Variants in ZNF382 observed in about 807,000 individuals in gnomAD.
ZNF382 encodes the protein KRAB/zinc finger suppressor protein 1.
ZNF382 carries 20 observed loss-of-function variants against 38.8 expected under a neutral mutation model. That is an observed-to-expected ratio of 0.51 (90% CI 0.36 to 0.75). ZNF382 has a LOEUF of 0.75. Among genes scored for constraint, ZNF382 ranks in the 30% least tolerant of loss-of-function variants. The probability of loss-of-function intolerance (pLI) is 0.00; values close to 1 mark genes in which losing one functional copy is unlikely to be tolerated. For synonymous variants in ZNF382, 202 were observed against 223.1 expected (o/e 0.91, Z 0.84); for missense variants, 546 against 654.1 (o/e 0.83, Z 1.80).
intron 4 of ZNF382, among the ~76,000 whole-genome samples, chr19:36,616,632 A>G (rs1191685753): frequency 6.6e-6 from 1 of 152,208 alleles, no homozygotes; most frequent in Non-Finnish European, 1.5e-5. Flanking sequence ...TTTTTAGCCA[A>G]TATTTGTAGA....
intron 4 of ZNF382, among the ~76,000 whole-genome samples, chr19:36,620,916 G>A (rs1341226259): frequency 6.6e-6 from 1 of 151,884 alleles, no homozygotes; most frequent in South Asian, 2.1e-4. Context: ...GTGCCACCAC[G>A]CCTGGCTAAT....
chr19:36,626,180 G>C lies in ZNF382; in HGVS notation c.283G>C (p.Asp95His), dbSNP rs1349410155. The C allele has an allele frequency of 3.2e-6, 5 of 1,574,678 alleles. No homozygotes were observed. The African/African-American group carries it at 6.9e-5, about 22-fold the overall frequency. Residue 95 changes from aspartate to histidine, a missense_variant, in exon 5 of 5, where the codon GAC (aspartate) becomes CAC (histidine). Asp to His is a moderately conservative substitution (Grantham distance 81, BLOSUM62 -1). Coordinates refer to ENST00000292928, the MANE Select transcript of ZNF382 (RefSeq NM_032825.5). ...DVLVKFKEYQ[D>H]RHSRPLIFIN... ...CTTAGTGAAGTTCAAAGAATACCAAGACAGGCATTCTAGACCCCTCATATT... is the reference window on the plus strand; with the variant it reads ...CTTAGTGAAGTTCAAAGAATACCAACACAGGCATTCTAGACCCCTCATATT...
At position 36,607,914 on chromosome 19, in the gene ZNF382, C is replaced by T. The variant is rs543586682; in HGVS notation, c.-14+292C>T. The T allele has an allele frequency of 3.7e-4, 136 of 371,890 alleles. 1 individual carries two copies. Among genetic ancestry groups the T allele is most frequent in the Non-Finnish European group, 1.3e-4 (27 of 207,712 alleles). The allele number at this position is 371,890 out of a possible 1,614,324, so 23.0% of individuals were successfully genotyped here. A position where few individuals can be genotyped will look rare whatever the true frequency, so the allele number is the denominator to read the frequency against. ...CAACCAAATCAACTTAAGCCTTCCC[C>T]AAGTGTACCTTCTGGTTGTACATAT... is the stretch of plus-strand genomic sequence containing the variant. On this transcript the variant is annotated intron_variant, in intron 2 of 4. Coordinates refer to ENST00000292928, the MANE Select transcript of ZNF382 (RefSeq NM_032825.5).
At chr19:36,619,888 G>A (rs1420904352) in intron 4 of ZNF382, among the ~76,000 whole-genome samples, 1 of 151,806 alleles carries the variant, frequency 6.6e-6, no homozygotes, top group African/African-American at 2.4e-5. Flanking sequence ...CCACCACCAT[G>A]CCCAGCTAAT....
In ZNF382 at chr19:36,627,356, A is replaced by G; in HGVS notation, c.1459A>G (p.Thr487Ala). 1.2e-6 allele frequency: 2 copies of G among 1,614,194 alleles called. No individual in the cohort carries two copies. Among genetic ancestry groups the G allele is most frequent in the Non-Finnish European group, 1.7e-6 (2 of 1,180,026 alleles). Residue 487 changes from threonine (T) to alanine (A), a missense_variant, in exon 5 of 5, where the codon ACA (threonine) becomes GCA (alanine). Thr to Ala is a moderately conservative substitution (Grantham distance 58). Coordinates refer to ENST00000292928, the MANE Select transcript of ZNF382 (RefSeq NM_032825.5). ...AILTVHHRIH[T>A]GEKSNGCPQC... ...CCTCACTGTTCATCACAGAATACATACAGGAGAAAAATCCAATGGGTGTCC... is the reference window on the plus strand; with the variant it reads ...CCTCACTGTTCATCACAGAATACATGCAGGAGAAAAATCCAATGGGTGTCC...
chr19:36,617,783 A>T (rs181413189), intron 4 of ZNF382, among the ~76,000 whole-genome samples: 1 of 152,312 alleles, frequency 6.6e-6, no homozygotes, highest in East Asian at 1.9e-4. Flanking sequence ...CATGGTGATC[A>T]GATATCACCT....
rs1225314059 is a variant in ZNF382, at chr19:36,627,194, G to C, written c.1297G>C (p.Glu433Gln). Reference protein sequence around the residue: ...LTVHQRTHTGEKPYICNECGK... With the variant: ...LTVHQRTHTGQKPYICNECGK... ...TGTTCATCAGAGAACTCACACAGGA[G>C]AGAAACCCTATATTTGCAATGAATG... Residue 433 changes from glutamate to glutamine, a missense_variant, in exon 5 of 5, where the codon GAG becomes CAG. Physicochemically the swap from Glu to Gln is conservative, Grantham distance 29 (BLOSUM62 2). Coordinates refer to ENST00000292928, the MANE Select transcript of ZNF382 (RefSeq NM_032825.5). The C allele has an allele frequency of 1.9e-6, 3 of 1,614,132 alleles. No homozygotes were observed. The South Asian group carries it at 3.3e-5, about 18-fold the overall frequency.
At chr19:36,613,085 C>T (rs191337696) in intron 4 of ZNF382, among the ~76,000 whole-genome samples, 9 of 152,326 alleles carry the variant, frequency 5.9e-5, no homozygotes, top group Admixed American at 2.0e-4. Context: ...GCCACTGCAC[C>T]TGGCCCTGTT....
chr19:36,626,078 A>G (rs2037210229), intron 4 of ZNF382, 52 bp from the exon 5 acceptor site: 1 of 1,372,100 alleles, frequency 7.3e-7, no homozygotes, highest in Non-Finnish European at 9.8e-7. Context: ...ATGTATACCC[A>G]ATCCATAGCA....
chr19:36,612,502 C>G (rs1435963696), intron 4 of ZNF382, among the ~76,000 whole-genome samples: 1 of 152,092 alleles, frequency 6.6e-6, no homozygotes, highest in Non-Finnish European at 1.5e-5. Flanking sequence ...AAGGCAGATG[C>G]GTATTTCATT....
At position 36,626,924 on chromosome 19, in the gene ZNF382, G is replaced by C; in HGVS notation, c.1027G>C (p.Glu343Gln). The C allele has an allele frequency of 6.2e-7, 1 of 1,614,086 alleles. No individual in the cohort carries two copies. Among genetic ancestry groups the C allele is most frequent in the Non-Finnish European group, 8.5e-7 (1 of 1,179,964 alleles). The change falls in exon 5 of 5, where the codon GAG becomes CAG. Residue 343 changes from glutamate (E) to glutamine (Q), a missense_variant. By Grantham distance (29) the Glu-to-Gln change is conservative. Coordinates refer to ENST00000292928, the MANE Select transcript of ZNF382 (RefSeq NM_032825.5). ...TCAGAAGACAGCCCTCACCCTTCAT[G>C]AGAAAACACATATAGAGGGGAAACC... The part of the protein sequence containing the change: ...FRQKTALTLH[E>Q]KTHIEGKPFI...
intron 4 of ZNF382, among the ~76,000 whole-genome samples, chr19:36,621,743 C>T (rs1246300104): frequency 1.3e-5 from 2 of 152,126 alleles, no homozygotes; most frequent in African/African-American, 4.8e-5. Context: ...TATGCAAATA[C>T]TACACTATTT....
intron 4 of ZNF382, among the ~76,000 whole-genome samples, chr19:36,614,931 C>CTTTCCCTTTCCCTTTCCT (rs2037112336): frequency 1.3e-5 from 1 of 75,374 alleles, no homozygotes; most frequent in Non-Finnish European, 2.8e-5. Flanking sequence ...TTCCCTTTCC[C>CTTTCCCTTTCCCTTTCCT]TTTCCCTTTC....
At chr19:36,612,399 AAGCTGCTAT>A (rs1232043836) in intron 4 of ZNF382, among the ~76,000 whole-genome samples, 1 of 152,238 alleles carries the variant, frequency 6.6e-6, no homozygotes, top group Non-Finnish European at 1.5e-5. Context: ...ATTATGAACA[AAGCTGCTAT>A]AATCATTCTT....
Position 36,627,577 on chromosome 19 carries a change from T to A in ZNF382, c.*27T>A, listed in dbSNP as rs772963348. 53 of 1,539,546 alleles carry A rather than the reference T, an allele frequency of 3.4e-5. No homozygotes were observed. The highest frequency in any genetic ancestry group is 5.1e-5 in the Admixed American group (3 of 58,322). ...TAATGTGGCTTTTTTTGTAAAAAAA[T>A]GTTAAGTCATAGTAAACCCTGTAGA... is the stretch of plus-strand genomic sequence containing the variant. On this transcript the variant is annotated 3_prime_UTR_variant, in exon 5 of 5. Transcript: ENST00000292928.
At chr19:36,607,518 C>T (rs997236488) in intron 1 of ZNF382, 34 bp from the exon 2 acceptor site, 173 of 1,294,722 alleles carry the variant, frequency 1.3e-4, no homozygotes, top group Non-Finnish European at 1.7e-4. Context: ...AGTATGGTCT[C>T]ACATACGTAT....
chr19:36,607,961 A>G, intron 2 of ZNF382: 1 of 256,104 alleles, frequency 3.9e-6, no homozygotes, highest in Non-Finnish European at 7.4e-6. Context: ...ATCATTCATC[A>G]TCTCCTTTCT....
At chr19:36,619,333 G>T in intron 4 of ZNF382, among the ~76,000 whole-genome samples, 1 of 152,180 alleles carries the variant, frequency 6.6e-6, no homozygotes, top group East Asian at 1.9e-4. Context: ...TGAGTGAAGG[G>T]GGTTGTGAAG....
chr19:36,619,963 C>T (rs1041905148), intron 4 of ZNF382, among the ~76,000 whole-genome samples: 1 of 152,120 alleles, frequency 6.6e-6, no homozygotes, highest in Admixed American at 6.5e-5. Flanking sequence ...TATCTCCTGA[C>T]CTCGAGATCT....
Sources: allele counts gnomAD v4.1 joint callset (sites outside exome capture counted in the v4.1 genomes callset), GRCh38; gene constraint gnomAD v4.1.1; transcripts MANE v1.5; gene names NCBI Gene and HGNC (gene_info 2026-07-23, HGNC 2026-07-21).